The following GCKR variants were observed in gnomAD, a reference collection of about 807,000 sequenced individuals.
The protein encoded by GCKR is glucokinase regulator.
GCKR carries 73 observed loss-of-function variants against 82.9 expected under a neutral mutation model. That is an observed-to-expected ratio of 0.88 (90% CI 0.73 to 1.07). GCKR has a LOEUF of 1.07. Ranked by LOEUF, GCKR falls within the 50% of genes least tolerant of loss-of-function variation. The pLI is 0.00. For missense variants in GCKR, 784 were observed against 782.1 expected (o/e 1.00, Z -0.03); for synonymous variants, 294 against 291.8 (o/e 1.01, Z -0.08).
chr2:27,506,050 C>G (rs1237291458), intron 10 of GCKR, among the ~76,000 whole-genome samples: 1 of 152,170 alleles, frequency 6.6e-6, no homozygotes, highest in Non-Finnish European at 1.5e-5. Context: ...CTGGATTCCT[C>G]AGGCCCAGAC....
At position 27,507,062 on chromosome 2, in the gene GCKR, C is replaced by T. The variant is rs1669766557; in HGVS notation, c.1067-173C>T. Among the ~76,000 whole-genome samples the T allele has an allele frequency of 3.9e-5, 6 of 152,204 alleles. No homozygotes were observed. In the South Asian group the frequency reaches 1.2e-3, roughly 32 times the overall value. ...TTAGAACCCCAACTCAGTCCTTGAT[C>T]CCTTCTCAGCTCCCACCCCTGTGCT... On this transcript the variant is annotated intron_variant, in intron 12 of 18. Coordinates refer to ENST00000264717, the MANE Select transcript of GCKR (RefSeq NM_001486.4).
chr2:27,509,500 T>C, intron 16 of GCKR: 1 of 443,536 alleles, frequency 2.3e-6, no homozygotes, highest in Non-Finnish European at 4.6e-6. Flanking sequence ...CCACCATGAC[T>C]GGCTAATTTT....
intron 16 of GCKR, among the ~76,000 whole-genome samples, chr2:27,515,476 A>T (rs1004872621): frequency 6.6e-6 from 1 of 151,476 alleles, no homozygotes; most frequent in South Asian, 2.1e-4. Context: ...GGGTGTCACC[A>T]TGTTGGCCAG....
At chr2:27,513,515 G>A (rs1253436638) in intron 16 of GCKR, among the ~76,000 whole-genome samples, 1 of 137,788 alleles carries the variant, frequency 7.3e-6, no homozygotes, top group Non-Finnish European at 1.5e-5. Flanking sequence ...GTGATAGAGC[G>A]AGACTCCGTC....
intron 10 of GCKR, 146 bp from the exon 11 acceptor site, chr2:27,506,335 G>A: frequency 1.4e-6 from 1 of 721,462 alleles, no homozygotes; most frequent in Non-Finnish European, 2.6e-6. Context: ...TCGGAACGCA[G>A]TCTGGGCCTA....
chr2:27,516,136 C>G (rs1357875705), intron 16 of GCKR, among the ~76,000 whole-genome samples: 1 of 151,698 alleles, frequency 6.6e-6, no homozygotes, highest in African/African-American at 2.4e-5. Context: ...ATCTGTGTCA[C>G]ATACTCAATT....
At chr2:27,515,241 G>A (rs1307228679) in intron 16 of GCKR, among the ~76,000 whole-genome samples, 1 of 151,790 alleles carries the variant, frequency 6.6e-6, no homozygotes, top group Non-Finnish European at 1.5e-5. Context: ...GCCTCCCAAA[G>A]TGCTGATTAC....
At position 27,498,289 on chromosome 2, in the gene GCKR, G is replaced by T. The variant is rs772220575; in HGVS notation, c.320G>T (p.Gly107Val). ...GGGGGGCTGGTTGTGCTGAGTGGAG[G>T]GGGCACCTCTGGCCGGATGGCATTC... is the stretch of plus-strand genomic sequence containing the variant. ...PDGGLVVLSGGGTSGRMAFLM... is the reference protein window; with the variant it reads ...PDGGLVVLSGVGTSGRMAFLM... The change falls in exon 4 of 19, where the codon GGG becomes GTG. Residue 107 changes from glycine (G) to valine (V), a missense_variant. Coordinates refer to ENST00000264717, the MANE Select transcript of GCKR (RefSeq NM_001486.4). 1.4e-5 allele frequency: 23 copies of T among 1,613,664 alleles called. No individual in the cohort carries two copies. The Admixed American group carries it at 3.5e-4, about 25-fold the overall frequency.
Position 27,507,578 on chromosome 2 carries a change from G to A in GCKR, c.1144-103G>A, listed in dbSNP as rs1043187736. The A allele has an allele frequency of 3.9e-6, 3 of 770,176 alleles. No individual in the cohort carries two copies. The African/African-American group carries it at 5.1e-5, about 13-fold the overall frequency. 47.7% of individuals were successfully genotyped at this position (770,176 alleles called of 1,614,324 possible). ...CTTTTGAACTTCAGCTCTTTCACCT[G>A]TGCACAAAAGTGTTAGATCTCCTCC... On this transcript the variant is annotated intron_variant, in intron 13 of 18. Coordinates refer to ENST00000264717, the MANE Select transcript of GCKR (RefSeq NM_001486.4).
intron 1 of GCKR, 53 bp from the exon 2 acceptor site, chr2:27,497,191 G>A: frequency 6.2e-7 from 1 of 1,605,176 alleles, no homozygotes. Flanking sequence ...AGCTCAGCAG[G>A]CATGAATGAG....
intron 17 of GCKR, among the ~76,000 whole-genome samples, 175 bp downstream of exon 17, chr2:27,519,112 G>A (rs1416378132): frequency 1.3e-5 from 2 of 152,154 alleles, no homozygotes; most frequent in African/African-American, 2.4e-5. Flanking sequence ...TGCACACATG[G>A]GTGTGTTTGT....
chr2:27,513,909 TTGTGTGTGTGTGTG>T (rs57848910), intron 16 of GCKR, among the ~76,000 whole-genome samples: 10 of 144,676 alleles, frequency 6.9e-5, no homozygotes, highest in Admixed American at 1.4e-4. Flanking sequence ...TTATTTGCAT[TTGTGTGTGTGTGTG>T]TGTGTGTGTG....
intron 16 of GCKR, among the ~76,000 whole-genome samples, chr2:27,510,961 TAC>T (rs1669867876): frequency 6.6e-6 from 1 of 152,184 alleles, no homozygotes; most frequent in Admixed American, 6.5e-5. Context: ...TTTAAAATGT[TAC>T]ATAGTCAAAT....
rs572067264 is a variant in GCKR, at chr2:27,504,809, G to C, written c.751-909G>C. 1.7e-3 allele frequency among the ~76,000 whole-genome samples: 260 copies of C among 152,240 alleles called. 2 individuals are homozygous for C. The highest frequency in any genetic ancestry group is 5.9e-3 in the African/African-American group (247 of 41,548). On this transcript the variant is annotated intron_variant, in intron 9 of 18. Transcript: ENST00000264717. ...AACTACCACAGAAAATGGTGGAAGT[G>C]GGGGAGAAATTTCTTGGAAAGAAAC...
intron 12 of GCKR, 133 bp from the exon 13 acceptor site, chr2:27,507,102 C>T (rs1006385009): frequency 2.5e-6 from 2 of 797,030 alleles, no homozygotes; most frequent in Non-Finnish European, 4.6e-6. Flanking sequence ...TATGGCCTCC[C>T]ACAAGGGCTA....
intron 17 of GCKR, among the ~76,000 whole-genome samples, chr2:27,519,674 T>G (rs1486024848): frequency 6.6e-6 from 1 of 152,164 alleles, no homozygotes; most frequent in Non-Finnish European, 1.5e-5. Context: ...GCCTGACAAT[T>G]TACGTAGCAA....
intron 16 of GCKR, among the ~76,000 whole-genome samples, chr2:27,511,990 C>T (rs1455011276): frequency 6.6e-6 from 1 of 152,022 alleles, no homozygotes; most frequent in East Asian, 1.9e-4. Flanking sequence ...CCTGTAATCC[C>T]AGCACTTTGG....
At chr2:27,515,727 G>A (rs1392892087) in intron 16 of GCKR, among the ~76,000 whole-genome samples, 1 of 146,434 alleles carries the variant, frequency 6.8e-6, no homozygotes, top group African/African-American at 2.5e-5. Flanking sequence ...ATTTTTCCAA[G>A]TGATTATCCA....
chr2:27,511,229 T>C (rs892035219), intron 16 of GCKR, among the ~76,000 whole-genome samples: 14 of 151,132 alleles, frequency 9.3e-5, no homozygotes, highest in Non-Finnish European at 2.1e-4. Flanking sequence ...GGTTTCACCA[T>C]GTTGGCCGGG....
Sources: gnomAD v4.1 joint callset for allele counts (sites outside exome capture counted in the v4.1 genomes callset) on GRCh38, gnomAD v4.1.1 for gene constraint, MANE v1.5 for transcripts, NCBI Gene and HGNC (gene_info 2026-07-23, HGNC 2026-07-21) for gene names.